The following KCNB2 variants were observed in gnomAD, a reference collection of about 807,000 sequenced individuals.
The protein encoded by KCNB2 is potassium voltage-gated channel subfamily B member 2, also known as delayed rectifier potassium channel protein.
In KCNB2, 15 loss-of-function variants were observed where a neutral mutation model predicts 61.5. The ratio of observed to expected loss-of-function variants is 0.24; its 90% CI spans 0.16 to 0.38. The LOEUF (loss-of-function observed/expected upper bound fraction) is 0.38. Ranked by LOEUF, KCNB2 falls within the 10% of genes least tolerant of loss-of-function variation. KCNB2 has a pLI of 1.00. For missense variants in KCNB2, 828 were observed against 1,125.2 expected, an observed-to-expected ratio of 0.74 and a Z score of 3.78; for synonymous variants, 457 against 446.0, an observed-to-expected ratio of 1.02 and a Z score of -0.31.
chr8:72,592,107 A>G (rs887579398), intron 2 of KCNB2, among the ~76,000 whole-genome samples: 1 of 152,150 alleles, frequency 6.6e-6, no homozygotes, highest in Non-Finnish European at 1.5e-5. Context: ...AGCCAAATTG[A>G]AAGATTCAAT....
chr8:72,883,848 GT>G (rs1220456902), intron 2 of KCNB2, among the ~76,000 whole-genome samples: 1 of 152,094 alleles, frequency 6.6e-6, no homozygotes, highest in Non-Finnish European at 1.5e-5. Flanking sequence ...CATATAAATT[GT>G]TTCTGACTTT....
intron 2 of KCNB2, among the ~76,000 whole-genome samples, chr8:72,882,623 C>T (rs1000900189): frequency 1.3e-5 from 2 of 150,982 alleles, no homozygotes; most frequent in African/African-American, 2.4e-5. Context: ...GAGACCCAGT[C>T]GGTCGTGGGA....
intron 2 of KCNB2, among the ~76,000 whole-genome samples, chr8:72,711,562 T>A (rs113280698): frequency 7.2e-5 from 11 of 152,312 alleles, no homozygotes; most frequent in African/African-American, 2.6e-4. Flanking sequence ...TTAGAGAACA[T>A]AATATTATAT....
At chr8:72,920,471 A>ATATGTGTGTG (rs1323200698) in intron 2 of KCNB2, among the ~76,000 whole-genome samples, 38 of 42,278 alleles carry the variant, frequency 9.0e-4, no homozygotes, top group Non-Finnish European at 1.8e-3. Flanking sequence ...CTATCTATCT[A>ATATGTGTGTG]TCTATATATA....
At chr8:72,787,058 T>G (rs1175079495) in intron 2 of KCNB2, among the ~76,000 whole-genome samples, 2 of 152,188 alleles carry the variant, frequency 1.3e-5, no homozygotes, top group Non-Finnish European at 2.9e-5. Context: ...TTGCCTCTGA[T>G]TCTAGTTAGA....
chr8:72,921,690 G>T (rs990133729), intron 2 of KCNB2, among the ~76,000 whole-genome samples: 1 of 152,162 alleles, frequency 6.6e-6, no homozygotes, highest in African/African-American at 2.4e-5. Flanking sequence ...TTCCACTGGT[G>T]TAAGTGATTT....
intron 2 of KCNB2, among the ~76,000 whole-genome samples, chr8:72,735,369 T>C (rs1807825501): frequency 6.6e-6 from 1 of 152,154 alleles, no homozygotes; most frequent in African/African-American, 2.4e-5. Flanking sequence ...TAAAAGTCAT[T>C]GTGTATCTTA....
At chr8:72,827,904 C>T (rs540294888) in intron 2 of KCNB2, among the ~76,000 whole-genome samples, 1 of 152,062 alleles carries the variant, frequency 6.6e-6, no homozygotes, top group African/African-American at 2.4e-5. Flanking sequence ...CCTCCACCTC[C>T]GGGGTTCAAA....
At chr8:72,784,420 G>C (rs1585891631) in intron 2 of KCNB2, among the ~76,000 whole-genome samples, 1 of 151,994 alleles carries the variant, frequency 6.6e-6, no homozygotes, top group Admixed American at 6.6e-5. Context: ...TTGGTTGCTG[G>C]GTGTGTTAGT....
At chr8:72,922,621 A>G (rs901547469) in intron 2 of KCNB2, among the ~76,000 whole-genome samples, 7 of 152,136 alleles carry the variant, frequency 4.6e-5, no homozygotes, top group Non-Finnish European at 7.4e-5. Context: ...TGAGGGCACA[A>G]ATTCCATTCA....
intron 2 of KCNB2, among the ~76,000 whole-genome samples, chr8:72,887,069 A>G (rs1214156165): frequency 6.6e-6 from 1 of 152,330 alleles, no homozygotes; most frequent in East Asian, 1.9e-4. Flanking sequence ...AAAGGGGATA[A>G]TTAAGGACAC....
chr8:72,843,656 C>T (rs1198837645), intron 2 of KCNB2, among the ~76,000 whole-genome samples: 1 of 152,168 alleles, frequency 6.6e-6, no homozygotes, highest in Non-Finnish European at 1.5e-5. Context: ...ATAGTTGGCT[C>T]TTCCTGTTGC....
chr8:72,673,788 G>A (rs943648738), intron 2 of KCNB2, among the ~76,000 whole-genome samples: 2 of 152,140 alleles, frequency 1.3e-5, no homozygotes, highest in African/African-American at 4.8e-5. Context: ...CCAGGGTCTG[G>A]GGGACATGGA....
intron 2 of KCNB2, among the ~76,000 whole-genome samples, chr8:72,735,744 G>C (rs1263263447): frequency 6.6e-6 from 1 of 152,184 alleles, no homozygotes; most frequent in Non-Finnish European, 1.5e-5. Flanking sequence ...GAATATGCAT[G>C]TAATAGACAC....
intron 1 of KCNB2, among the ~76,000 whole-genome samples, chr8:72,556,571 T>C (rs114245778): frequency 6.0e-4 from 91 of 152,258 alleles, no homozygotes; most frequent in African/African-American, 2.2e-3. Context: ...TGAATAGAAA[T>C]AATATCTAAT....
In KCNB2 at chr8:72,690,871, C is replaced by T. The variant is rs147225771; in HGVS notation, c.579+122558C>T. 2.8e-4 allele frequency among the ~76,000 whole-genome samples: 42 copies of T among 152,226 alleles called. No homozygotes were observed. In the East Asian group the frequency reaches 5.6e-3, roughly 20 times the overall value. On this transcript the variant is annotated intron_variant, in intron 2 of 2. Transcript: ENST00000523207. ...CTCACATTTTAAAATCAGAAAGGGA[C>T]GGTTGACTTCACATTTGCAGAATCC...
At chr8:72,624,318 A>T (rs189172866) in intron 2 of KCNB2, among the ~76,000 whole-genome samples, 1,660 of 152,318 alleles carry the variant, frequency 0.011, 16 homozygotes, top group Middle Eastern at 0.02. Flanking sequence ...CTGGGAAAAC[A>T]TCCTCGAAGA....
chr8:72,883,326 G>A (rs1805749171), intron 2 of KCNB2, among the ~76,000 whole-genome samples: 2 of 152,182 alleles, frequency 1.3e-5, no homozygotes, highest in South Asian at 2.1e-4. Flanking sequence ...CGTAACTACA[G>A]TCTCTGCAGA....
chr8:72,540,072 G>A (rs1197713435), intron 1 of KCNB2, among the ~76,000 whole-genome samples: 2 of 152,140 alleles, frequency 1.3e-5, no homozygotes, highest in African/African-American at 2.4e-5. Flanking sequence ...TTCGTTAAAC[G>A]TTGAAAAATA....
Sources: gnomAD v4.1 joint callset for allele counts (sites outside exome capture counted in the v4.1 genomes callset) on GRCh38, gnomAD v4.1.1 for gene constraint, MANE v1.5 for transcripts, NCBI Gene and HGNC (gene_info 2026-07-23, HGNC 2026-07-21) for gene names.